Variants in GPS1 observed in about 807,000 individuals in gnomAD.
The protein encoded by GPS1 is COP9 signalosome complex subunit 1.
GPS1 carries 11 observed loss-of-function variants against 60.0 expected under a neutral mutation model. That is an observed-to-expected ratio of 0.18 (90% CI 0.12 to 0.30). GPS1 has a LOEUF of 0.30. Ranked by LOEUF, GPS1 falls within the 10% of genes least tolerant of loss-of-function variation. GPS1 has a pLI of 1.00. For missense variants in GPS1, 543 were observed against 669.2 expected, an observed-to-expected ratio of 0.81 and a Z score of 2.08; for synonymous variants, 343 against 269.8, an observed-to-expected ratio of 1.27 and a Z score of -2.66.
At chr17:82,052,722 G>C in intron 1 of GPS1, 1 of 505,218 alleles carries the variant, frequency 2.0e-6, no homozygotes, top group Non-Finnish European at 3.6e-6. Context: ...GTTAAGCCGA[G>C]GTCCTGGCTT....
intron 8 of GPS1, 53 bp from the exon 9 acceptor site, chr17:82,056,233 C>A: frequency 7.0e-7 from 1 of 1,428,244 alleles, no homozygotes; most frequent in South Asian, 1.1e-5. Context: ...CCACTGGCCA[C>A]TTGGAGGGAG....
Position 82,056,759 on chromosome 17 carries a change from A to T in GPS1, c.1247A>T (p.His416Leu). The change falls in exon 11 of 13, where the codon CAC (histidine) becomes CTC (leucine). Residue 416 changes from histidine (H) to leucine (L), a missense_variant. Physicochemically the swap from His to Leu is moderately conservative, Grantham distance 99 (BLOSUM62 -3). Coordinates refer to ENST00000578552, the MANE Select transcript of GPS1 (RefSeq NM_001321092.3). ...EGLISARVDS[H>L]SKILYARDVD... ...CTGATCAGTGCCCGTGTGGACTCAC[A>T]CAGCAAGGTGGCTGTGGGCTGCGGG... The T allele has an allele frequency of 6.3e-7, 1 of 1,593,044 alleles. No homozygotes were observed.
At chr17:82,051,784 C>T, upstream of GPS1, 2 of 1,116,468 alleles carry the variant, frequency 1.8e-6, no homozygotes, top group Non-Finnish European at 2.2e-6. The surrounding 1 kb of genome is among the most constrained non-coding windows in gnomAD (Gnocchi z 4.1). Context: ...CCGGGACCCC[C>T]GGCGCTGCGA....
rs561704070 is a variant in GPS1 at position 82,052,519 on chromosome 17, C to T, written c.33+555C>T. The T allele has an allele frequency of 2.6e-4, 405 of 1,565,226 alleles. 3 individuals are homozygous for T. The South Asian group carries it at 3.9e-3, about 15-fold the overall frequency. On this transcript the variant is annotated intron_variant, in intron 1 of 12. Coordinates refer to ENST00000578552, the MANE Select transcript of GPS1 (RefSeq NM_001321092.3). Reference sequence around the variant, plus strand: ...GGGGGGAGCAGGGCCCCGGCCGCCCCTGCTGTGGCTGGGCCCCTGCTGCTC... The same window carrying T: ...GGGGGGAGCAGGGCCCCGGCCGCCCTTGCTGTGGCTGGGCCCCTGCTGCTC...
Position 82,057,046 on chromosome 17 carries a change from C to T in GPS1, c.1390-7C>T. 4 of 1,601,818 alleles carry T rather than the reference C, an allele frequency of 2.5e-6. No homozygotes were observed. Among genetic ancestry groups the T allele is most frequent in the Non-Finnish European group, 3.4e-6 (4 of 1,172,980 alleles). Reference sequence around the variant, plus strand: ...TGGCTGTGAGCTGCTCCTTGTCTCCCCTGCAGTCCCCGCCCAGAGAAGGGA... The same window carrying T: ...TGGCTGTGAGCTGCTCCTTGTCTCCTCTGCAGTCCCCGCCCAGAGAAGGGA... On this transcript the variant is annotated splice_region_variant and splice_polypyrimidine_tract_variant and intron_variant, in intron 12 of 12. Transcript: ENST00000578552.
chr17:82,052,868 G>A, intron 1 of GPS1: 1 of 247,636 alleles, frequency 4.0e-6, no homozygotes, highest in Non-Finnish European at 7.9e-6. Context: ...TGGTCCTCCT[G>A]CCTCCTGGGG....
In GPS1 at chr17:82,055,193, C is replaced by G. The variant is rs1173889425; in HGVS notation, c.719C>G (p.Ala240Gly). The change falls in exon 6 of 13, where the codon GCC becomes GGC. Residue 240 changes from alanine to glycine, a missense_variant. By Grantham distance (60) the Ala-to-Gly change is moderately conservative. Around this residue, in one of 3 missense-constraint regions of GPS1, gnomAD observed 291 missense variants for 353.7 expected, o/e 0.82. Transcript: ENST00000578552. ...QRGERDSQTQ[A>G]ILTKLKCAAG... is the part of the protein sequence containing the mutation. Reference sequence around the variant, plus strand: ...GGAGAGCGTGACAGCCAGACCCAGGCCATCCTCACCAAGCTCAAGTGTGCC... The same window carrying G: ...GGAGAGCGTGACAGCCAGACCCAGGGCATCCTCACCAAGCTCAAGTGTGCC... The G allele has an allele frequency of 6.4e-7, 1 of 1,559,740 alleles. No individual in the cohort carries two copies. Among genetic ancestry groups the G allele is most frequent in the African/African-American group, 1.4e-5 (1 of 73,308 alleles).
rs1448433899 is a variant in GPS1 at position 82,052,181 on chromosome 17, G to T, written c.33+217G>T. On this transcript the variant is annotated intron_variant, in intron 1 of 12. Transcript: ENST00000578552. Reference sequence around the variant, plus strand: ...GATCGGGGGCCGCCGGGCCGCGCCCGCCCCGCCTCCCCTCCCAGCAGCTCA... The same window carrying T: ...GATCGGGGGCCGCCGGGCCGCGCCCTCCCCGCCTCCCCTCCCAGCAGCTCA... The T allele has an allele frequency of 7.8e-6, 10 of 1,276,546 alleles. No individual in the cohort carries two copies. The Admixed American group carries it at 1.7e-4, about 21-fold the overall frequency. 79.1% of individuals were successfully genotyped at this position (1,276,546 alleles called of 1,614,324 possible).
At position 82,053,924 on chromosome 17, in the gene GPS1, G is replaced by C. The variant is rs772794611; in HGVS notation, c.183G>C (p.Gln61His). ...GCCTGATGCGCATCGAACGGCTGCA[G>C]TTCATTGCTGATCACTGCCCCACGC... ...YSGLMRIERL[Q>H]FIADHCPTLR... is the part of the protein sequence containing the mutation. Residue 61 changes from glutamine to histidine, a missense_variant, in exon 3 of 13, where the codon CAG becomes CAC. By Grantham distance (24) the Gln-to-His change is conservative. Transcript: ENST00000578552. The C allele has an allele frequency of 4.3e-6, 7 of 1,612,786 alleles. No homozygotes were observed. In the East Asian group the frequency reaches 1.6e-4, roughly 36 times the overall value.
At chr17:82,053,775 T>C in intron 2 of GPS1, 93 bp from the exon 3 acceptor site, 1 of 1,283,142 alleles carries the variant, frequency 7.8e-7, no homozygotes, top group South Asian at 1.4e-5. Flanking sequence ...ACATTCTGGC[T>C]AGGACAGTCA....
At chr17:82,051,615 G>T, upstream of GPS1, 2 of 1,237,842 alleles carry the variant, frequency 1.6e-6, no homozygotes, top group South Asian at 2.6e-5. This position sits in a 1 kb window ranked among gnomAD's most constrained non-coding sequence, Gnocchi z 4.1. Context: ...GCTGGGGGCA[G>T]CGGGCCGGGA....
chr17:82,054,568 G>C lies in GPS1; in HGVS notation c.367G>C (p.Asp123His). ...PESGVEPPAL[D>H]TAWVEATRKK... Reference sequence around the variant, plus strand: ...GAGCGGCGTGGAGCCCCCAGCCCTGGACACGGCCTGGGTGGAGGCCACGCG... The same window carrying C: ...GAGCGGCGTGGAGCCCCCAGCCCTGCACACGGCCTGGGTGGAGGCCACGCG... The change falls in exon 4 of 13, where the codon GAC becomes CAC. Residue 123 changes from aspartate to histidine, a missense_variant. By Grantham distance (81) the Asp-to-His change is moderately conservative. This residue lies in a region of GPS1 where 181 missense variants were observed against 188.8 expected (regional missense o/e 0.96). Coordinates refer to ENST00000578552, the MANE Select transcript of GPS1 (RefSeq NM_001321092.3). 6.3e-7 allele frequency: 1 copy of C among 1,595,940 alleles called. No homozygotes were observed. The highest frequency in any genetic ancestry group is 1.1e-5 in the South Asian group (1 of 89,462).
chr17:82,057,008 G>T, intron 12 of GPS1, 34 bp downstream of exon 12: 1 of 1,611,902 alleles, frequency 6.2e-7, no homozygotes. Flanking sequence ...GGCGCACGGC[G>T]TGTGGGGCCT....
At chr17:82,055,041 T>TC (rs1265634216) in intron 5 of GPS1, 66 bp downstream of exon 5, 1 of 1,596,426 alleles carries the variant, frequency 6.3e-7, no homozygotes, top group East Asian at 2.2e-5. Context: ...CCTCCTGTCC[T>TC]CCCCCACCTC....
At chr17:82,052,260 C>T (rs751388258) in intron 1 of GPS1, 18 of 1,610,690 alleles carry the variant, frequency 1.1e-5, no homozygotes, top group Admixed American at 5.0e-5. Context: ...CTTCAGCAGC[C>T]AGCCAGCTCT....
At chr17:82,055,694 G>T (rs565862406) in intron 6 of GPS1, 46 bp from the exon 7 acceptor site, 4 of 1,323,500 alleles carry the variant, frequency 3.0e-6, no homozygotes, top group Non-Finnish European at 3.2e-6. Flanking sequence ...AGGCTCTGGG[G>T]TCTTACCCCC....
At chr17:82,051,009 G>C, upstream of GPS1, 3 of 1,408,778 alleles carry the variant, frequency 2.1e-6, no homozygotes, top group Non-Finnish European at 2.8e-6. The surrounding 1 kb of genome is among the most constrained non-coding windows in gnomAD (Gnocchi z 4.1). Context: ...AGCTCGCCCT[G>C]ACCTGGCCTG....
In GPS1 at chr17:82,055,149, C is replaced by T. The variant is rs760115971; in HGVS notation, c.688-13C>T. The T allele has an allele frequency of 1.3e-5, 20 of 1,564,598 alleles. No homozygotes were observed. Among genetic ancestry groups the T allele is most frequent in the South Asian group, 4.7e-5 (4 of 85,598 alleles). On this transcript the variant is annotated splice_polypyrimidine_tract_variant and intron_variant, in intron 5 of 12. Coordinates refer to ENST00000578552, the MANE Select transcript of GPS1 (RefSeq NM_001321092.3). ...TGGAGCATGGGCCTCACGCATGTGG[C>T]TTCCTCCTACAGCAGCGAGGAGAGC...
intron 8 of GPS1, 85 bp downstream of exon 8, chr17:82,056,180 TG>T: frequency 7.2e-7 from 1 of 1,383,182 alleles, no homozygotes. Context: ...CCTGGCCCCC[TG>T]GCCCCAGCGT....
Sources: gnomAD v4.1 joint callset for allele counts on GRCh38, gnomAD v4.1.1 for gene constraint, gnomAD v4.1.1 regional missense constraint, Gnocchi (gnomAD v3.1) non-coding constraint, MANE v1.5 for transcripts, NCBI Gene and HGNC (gene_info 2026-07-23, HGNC 2026-07-21) for gene names.